XPO7: variants seen among roughly 807,000 people sequenced by gnomAD.
XPO7 encodes the protein exportin-7.
XPO7 carries 21 observed loss-of-function variants against 144.3 expected under a neutral mutation model. The ratio of observed to expected loss-of-function variants is 0.15; its 90% CI spans 0.10 to 0.21. The LOEUF (loss-of-function observed/expected upper bound fraction) is 0.21. XPO7 is among the 10% of genes least tolerant of loss of function. XPO7 has a pLI of 1.00. For missense variants in XPO7, 808 were observed against 1,325.8 expected (o/e 0.61, Z 6.06); for synonymous variants, 580 against 499.6 (o/e 1.16, Z -2.15).
Position 21,998,793 on chromosome 8 carries a change from G to C in XPO7, c.2384G>C (p.Gly795Ala). 2 of 1,613,862 alleles carry C rather than the reference G, an allele frequency of 1.2e-6. No homozygotes were observed. Among genetic ancestry groups the C allele is most frequent in the Non-Finnish European group, 1.7e-6 (2 of 1,179,874 alleles). ...CAGTTTGATGTCTCTTCCCCCAATG[G>C]CATCTTACTCTTCCGAGAAACCAGC... ...RLQFDVSSPN[G>A]ILLFRETSKM... The change falls in exon 22 of 28, where the codon GGC becomes GCC. Residue 795 changes from glycine (G) to alanine (A), a missense_variant. By Grantham distance (60) the Gly-to-Ala change is moderately conservative (BLOSUM62 0). Coordinates refer to ENST00000252512, the MANE Select transcript of XPO7 (RefSeq NM_015024.5).
intron 13 of XPO7, 27 bp downstream of exon 13, chr8:21,985,718 A>G: frequency 6.2e-7 from 1 of 1,603,612 alleles, no homozygotes. Context: ...GAAGCTCTCC[A>G]CTCTGCCTTG....
At chr8:21,995,881 C>G (rs1204315277) in intron 21 of XPO7, among the ~76,000 whole-genome samples, 1 of 152,126 alleles carries the variant, frequency 6.6e-6, no homozygotes, top group Non-Finnish European at 1.5e-5. Flanking sequence ...GTGGCACAGT[C>G]TCGGCTCACT....
At chr8:21,920,104 A>G (rs1810221556) in intron 1 of XPO7, among the ~76,000 whole-genome samples, 1 of 151,402 alleles carries the variant, frequency 6.6e-6, no homozygotes, top group African/African-American at 2.4e-5. Context: ...GGCCTCCGTC[A>G]AGTCCTCGGG....
chr8:21,921,769 G>T (rs1810296427), intron 1 of XPO7: 1 of 152,198 alleles, frequency 6.6e-6, no homozygotes. Context: ...TTTAAGAGCT[G>T]CAATCTGTTG....
chr8:21,959,274 A>G (rs780429589), intron 1 of XPO7, among the ~76,000 whole-genome samples: 11 of 152,200 alleles, frequency 7.2e-5, no homozygotes, highest in Non-Finnish European at 1.5e-4. Context: ...GCAAGCAATA[A>G]AAAAGCTGCT....
rs1812674843 is a variant in XPO7 at position 21,989,100 on chromosome 8, T to C, written c.1868+17T>C. 6.2e-7 allele frequency: 1 copy of C among 1,609,726 alleles called. No individual in the cohort carries two copies. Among genetic ancestry groups the C allele is most frequent in the African/African-American group, 1.3e-5 (1 of 74,918 alleles). The stretch of plus-strand genomic sequence containing the variant: ...GTCCATTGGATATCCTTTTCTAAGC[T>C]AACTTCTGTGCACAACAGAAACTGG... On this transcript the variant is annotated intron_variant, in intron 16 of 27. Coordinates refer to ENST00000252512, the MANE Select transcript of XPO7 (RefSeq NM_015024.5).
intron 19 of XPO7, among the ~76,000 whole-genome samples, chr8:21,992,341 A>G (rs1312322392): frequency 6.6e-6 from 1 of 151,620 alleles, no homozygotes; most frequent in African/African-American, 2.4e-5. Flanking sequence ...TAAAAAACAG[A>G]AAGTTTACCA....
At chr8:21,996,376 T>C (rs1812948754) in intron 21 of XPO7, among the ~76,000 whole-genome samples, 2 of 152,084 alleles carry the variant, frequency 1.3e-5, no homozygotes, top group African/African-American at 4.8e-5. Flanking sequence ...GATTATGCCA[T>C]TACACTCCAG....
At chr8:21,981,138 G>C (rs901726880) in intron 9 of XPO7, among the ~76,000 whole-genome samples, 9 of 152,136 alleles carry the variant, frequency 5.9e-5, no homozygotes, top group Non-Finnish European at 1.2e-4. Context: ...TATGCTAACA[G>C]AAGAAGACAT....
Position 21,963,398 on chromosome 8 carries a change from CTAATTTAAAAGTA to C in XPO7, c.19-3456_19-3444del, listed in dbSNP as rs539664886. 2.0e-3 allele frequency among the ~76,000 whole-genome samples: 306 copies of C among 152,234 alleles called. 1 individual carries two copies. Among genetic ancestry groups the C allele is most frequent in the African/African-American group, 6.8e-3 (284 of 41,562 alleles). On this transcript the variant is annotated intron_variant, in intron 1 of 27. Transcript: ENST00000252512. ...ATGCGGATTTTTTAAAGCAGTGAGG[CTAATTTAAAAGTA>C]TAGACCGGGCACGGTGGCTCACGCC...
In XPO7 at chr8:21,940,145, TG is replaced by T. The variant is rs1045818301; in HGVS notation, c.18+20358del. Reference sequence around the variant, plus strand: ...GATTGATCAAATATGTTTGAATCCCTGAGTTCTTAATGATATTTTAAAAGTA... The same window carrying T: ...GATTGATCAAATATGTTTGAATCCCTAGTTCTTAATGATATTTTAAAAGTA... On this transcript the variant is annotated intron_variant, in intron 1 of 27. Coordinates refer to ENST00000252512, the MANE Select transcript of XPO7 (RefSeq NM_015024.5). 6.6e-5 allele frequency among the ~76,000 whole-genome samples: 10 copies of T among 152,334 alleles called. No homozygotes were observed. The South Asian group carries it at 2.1e-3, about 32-fold the overall frequency.
chr8:21,962,754 C>A (rs573859722), intron 1 of XPO7, among the ~76,000 whole-genome samples: 1 of 152,164 alleles, frequency 6.6e-6, no homozygotes, highest in South Asian at 2.1e-4. Context: ...TGGTAATATA[C>A]TCAACATACT....
chr8:21,942,408 GC>G (rs1371542455), intron 1 of XPO7, among the ~76,000 whole-genome samples: 1 of 152,164 alleles, frequency 6.6e-6, no homozygotes, highest in Non-Finnish European at 1.5e-5. Context: ...ATTGTGAGAA[GC>G]TTTTTCAAGC....
intron 14 of XPO7, 21 bp downstream of exon 14, chr8:21,987,297 T>C (rs1812610463): frequency 6.2e-7 from 1 of 1,613,356 alleles, no homozygotes; most frequent in Non-Finnish European, 8.5e-7. Context: ...CTCAATTGGC[T>C]CCCCTTAGTT....
Position 21,964,292 on chromosome 8 carries a change from A to T in XPO7, c.19-2565A>T, listed in dbSNP as rs145670566. ...GAACTGGCGACTAGGAAAACATTGG[A>T]CATAGATGTTATCATGCCAAGGAGA... On this transcript the variant is annotated intron_variant, in intron 1 of 27. Transcript: ENST00000252512. 336 of 152,346 alleles carry T rather than the reference A, an allele frequency of 2.2e-3. 1 individual carries two copies. The highest frequency in any genetic ancestry group is 7.4e-3 in the African/African-American group (309 of 41,584). The allele number at this position is 152,346 out of a possible 1,614,324, so 9.4% of individuals were successfully genotyped here.
chr8:21,920,753 A>G (rs1215069135), intron 1 of XPO7, among the ~76,000 whole-genome samples: 1 of 152,196 alleles, frequency 6.6e-6, no homozygotes, highest in Non-Finnish European at 1.5e-5. Context: ...ATTGATGCAC[A>G]TCCATTGTGG....
At chr8:21,988,562 T>C in intron 15 of XPO7, 1 of 173,470 alleles carries the variant, frequency 5.8e-6, no homozygotes. Context: ...GTTTAATAAT[T>C]TAAGATGGAA....
intron 1 of XPO7, among the ~76,000 whole-genome samples, chr8:21,941,991 G>A (rs1036260611): frequency 1.3e-5 from 2 of 152,314 alleles, no homozygotes; most frequent in Middle Eastern, 3.4e-3. Flanking sequence ...AAATGGCAAG[G>A]AAGTGATTCC....
intron 1 of XPO7, among the ~76,000 whole-genome samples, chr8:21,952,145 A>G (rs1811394382): frequency 6.6e-6 from 1 of 152,232 alleles, no homozygotes; most frequent in Admixed American, 6.5e-5. Flanking sequence ...AACTATAGTC[A>G]TTTCCTGCAA....
Sources: allele counts gnomAD v4.1 joint callset (sites outside exome capture counted in the v4.1 genomes callset), GRCh38; gene constraint gnomAD v4.1.1; transcripts MANE v1.5; gene names NCBI Gene and HGNC (gene_info 2026-07-23, HGNC 2026-07-21).